The following SNTG2 variants were observed in gnomAD, a reference collection of about 807,000 sequenced individuals.
The protein encoded by SNTG2 is gamma-2-syntrophin.
A neutral mutation model predicts 70.9 loss-of-function variants in SNTG2; 74 were observed. That is an observed-to-expected ratio of 1.04 (90% confidence interval 0.86 to 1.27). The LOEUF (loss-of-function observed/expected upper bound fraction) is 1.27, where lower values mean the gene tolerates loss of function less well. Among genes scored for constraint, SNTG2 ranks in the 50% most tolerant of loss-of-function variants. The probability of loss-of-function intolerance (pLI) is 0.00; values close to 1 mark genes in which losing one functional copy is unlikely to be tolerated. For missense variants in SNTG2, 717 were observed against 690.7 expected, an observed-to-expected ratio of 1.04 and a Z score of -0.43; for synonymous variants, 278 against 273.8, an observed-to-expected ratio of 1.02 and a Z score of -0.15.
intron 4 of SNTG2, among the ~76,000 whole-genome samples, chr2:1,119,790 T>C (rs1667268154): frequency 6.6e-6 from 1 of 151,814 alleles, no homozygotes; most frequent in Non-Finnish European, 1.5e-5. Flanking sequence ...ACAAAAAAAA[T>C]AAGAGAATGG....
intron 1 of SNTG2, among the ~76,000 whole-genome samples, chr2:1,000,957 T>C (rs1025157660): frequency 5.0e-4 from 76 of 151,960 alleles, no homozygotes; most frequent in African/African-American, 1.8e-3. Context: ...AGAAATGCAA[T>C]GAAGGTATAT....
intron 14 of SNTG2, among the ~76,000 whole-genome samples, chr2:1,279,795 A>G (rs1312817690): frequency 6.6e-6 from 1 of 152,194 alleles, no homozygotes; most frequent in Non-Finnish European, 1.5e-5. Context: ...ATTGCAGTTA[A>G]CATCCAGCTG....
At chr2:1,137,578 CTG>C (rs753702711) in intron 4 of SNTG2, 42 bp from the exon 5 acceptor site, 1 of 1,602,392 alleles carries the variant, frequency 6.2e-7, no homozygotes, top group African/African-American at 1.3e-5. Flanking sequence ...AAGCATGTCA[CTG>C]AGATTTCTCT....
chr2:1,168,222 C>A (rs556826395), intron 7 of SNTG2, among the ~76,000 whole-genome samples: 1 of 105,586 alleles, frequency 9.5e-6, no homozygotes, highest in African/African-American at 3.0e-5. Flanking sequence ...GCCTACAGGC[C>A]GCCCACAGAC....
At chr2:991,229 ATG>A (rs1661480408) in intron 1 of SNTG2, among the ~76,000 whole-genome samples, 1 of 152,154 alleles carries the variant, frequency 6.6e-6, no homozygotes, top group South Asian at 2.1e-4. Context: ...CTGAAAGTCT[ATG>A]TATTAATGTC....
intron 16 of SNTG2, among the ~76,000 whole-genome samples, chr2:1,366,852 G>T (rs1460518171): frequency 6.6e-6 from 1 of 152,174 alleles, no homozygotes; most frequent in Non-Finnish European, 1.5e-5. Context: ...GGCGGCCTTG[G>T]CATGAAGCCC....
At chr2:1,155,749 A>G (rs927144528) in intron 6 of SNTG2, among the ~76,000 whole-genome samples, 3 of 152,308 alleles carry the variant, frequency 2.0e-5, no homozygotes, top group Admixed American at 6.5e-5. Context: ...GGCTGAGGAA[A>G]GAGCTTCGTG....
At chr2:1,271,735 AT>A (rs1249951263) in intron 14 of SNTG2, among the ~76,000 whole-genome samples, 1 of 152,152 alleles carries the variant, frequency 6.6e-6, no homozygotes, top group East Asian at 1.9e-4. Context: ...AATGGCCTCC[AT>A]AACCCATTGA....
chr2:1,293,906 G>C (rs1357442802), intron 14 of SNTG2, among the ~76,000 whole-genome samples: 1 of 152,112 alleles, frequency 6.6e-6, no homozygotes, highest in Non-Finnish European at 1.5e-5. Flanking sequence ...CCATTTGGTT[G>C]ATCCGAAACT....
At position 1,113,131 on chromosome 2, in the gene SNTG2, C is replaced by T. The variant is rs1415108885; in HGVS notation, c.325+14721C>T. Among the ~76,000 whole-genome samples, 84 of 149,422 alleles carry T rather than the reference C, an allele frequency of 5.6e-4. 4 individuals carry two copies. Among genetic ancestry groups the T allele is most frequent in the Non-Finnish European group, 1.1e-3 (75 of 67,380 alleles). On this transcript the variant is annotated intron_variant, in intron 4 of 16. Coordinates refer to ENST00000308624, the MANE Select transcript of SNTG2 (RefSeq NM_018968.4). ...TCGTGTGTACTAAGTGAGGTTTAAC[C>T]CTTACAGTCCTTTGAGGAGGATCGT...
intron 1 of SNTG2, among the ~76,000 whole-genome samples, chr2:966,584 G>A (rs1374121188): frequency 6.6e-6 from 1 of 152,026 alleles, no homozygotes; most frequent in African/African-American, 2.4e-5. Context: ...AATCATGTAG[G>A]ACAAAACAAA....
At chr2:1,014,750 G>T (rs1359865655) in intron 1 of SNTG2, among the ~76,000 whole-genome samples, 3 of 150,544 alleles carry the variant, frequency 2.0e-5, no homozygotes, top group Non-Finnish European at 4.5e-5. Flanking sequence ...GAGAGAGAAG[G>T]GTGGTCTGGA....
At chr2:1,180,939 A>T (rs1367261026) in intron 8 of SNTG2, among the ~76,000 whole-genome samples, 1 of 152,176 alleles carries the variant, frequency 6.6e-6, no homozygotes, top group African/African-American at 2.4e-5. Context: ...GAAATTGGAA[A>T]TCATCATTCT....
intron 14 of SNTG2, among the ~76,000 whole-genome samples, chr2:1,307,258 TAA>T (rs923846393): frequency 4.8e-5 from 7 of 147,188 alleles, no homozygotes; most frequent in Non-Finnish European, 9.0e-5. Flanking sequence ...GCATTGTGTA[TAA>T]GTGTGTGTGT....
chr2:1,096,827 A>G (rs1406207513), intron 2 of SNTG2, among the ~76,000 whole-genome samples: 2 of 152,176 alleles, frequency 1.3e-5, no homozygotes, highest in African/African-American at 4.8e-5. Flanking sequence ...TGTCACTGGG[A>G]AGCATCTGTG....
chr2:1,306,823 G>A (rs145853785), intron 14 of SNTG2, among the ~76,000 whole-genome samples: 27 of 151,386 alleles, frequency 1.8e-4, no homozygotes, highest in South Asian at 4.2e-4. Flanking sequence ...AGAGCAGTGC[G>A]CTGTGAGCCG....
intron 4 of SNTG2, among the ~76,000 whole-genome samples, chr2:1,137,016 C>G (rs1388104212): frequency 1.3e-5 from 2 of 152,198 alleles, no homozygotes; most frequent in Non-Finnish European, 1.5e-5. Flanking sequence ...TAATGAAACC[C>G]TTTGTTACGA....
chr2:1,006,609 G>T (rs1450808867), intron 1 of SNTG2, among the ~76,000 whole-genome samples: 1 of 152,180 alleles, frequency 6.6e-6, no homozygotes, highest in African/African-American at 2.4e-5. Context: ...CATTTGAATA[G>T]AAAATGTGTC....
chr2:1,331,403 C>T (rs770429185), intron 16 of SNTG2, among the ~76,000 whole-genome samples: 2 of 152,232 alleles, frequency 1.3e-5, no homozygotes, highest in Non-Finnish European at 1.5e-5. Flanking sequence ...CCTTCTGCTG[C>T]GAGCTAAGTC....
Sources: gnomAD v4.1 joint callset for allele counts (sites outside exome capture counted in the v4.1 genomes callset) on GRCh38, gnomAD v4.1.1 for gene constraint, MANE v1.5 for transcripts, NCBI Gene and HGNC (gene_info 2026-07-23, HGNC 2026-07-21) for gene names.